BNC2: variants seen among roughly 807,000 people sequenced by gnomAD.
BNC2 encodes the protein zinc finger protein basonuclin-2.
Under a neutral mutation model 76.3 loss-of-function variants are expected in BNC2, and 20 were observed. The observed-to-expected ratio is 0.26, with a 90% confidence interval of 0.18 to 0.38. The LOEUF (loss-of-function observed/expected upper bound fraction) is 0.38, where lower values mean the gene tolerates loss of function less well. BNC2 is among the 10% of genes least tolerant of loss of function. The pLI is 1.00. For synonymous variants in BNC2, 582 were observed against 514.8 expected (o/e 1.13, Z -1.77); for missense variants, 1,382 against 1,399.8 (o/e 0.99, Z 0.20).
chr9:16,418,775 T>G lies in BNC2; in HGVS notation c.*214A>C. 1 of 580,834 alleles carries G rather than the reference T, an allele frequency of 1.7e-6. No homozygotes were observed. Among genetic ancestry groups the G allele is most frequent in the Non-Finnish European group, 3.0e-6 (1 of 331,046 alleles). 36.0% of individuals were successfully genotyped at this position (580,834 alleles called of 1,614,324 possible). On this transcript the variant is annotated 3_prime_UTR_variant, in exon 7 of 7. Transcript: ENST00000380672. ...AGATCCCACTCCTTTCCCAAAACTA[T>G]AAAGGGAAGTGAAAAAAATTCAAAA... is the stretch of plus-strand genomic sequence containing the variant.
At chr9:16,524,701 T>G (rs909587807) in intron 5 of BNC2, among the ~76,000 whole-genome samples, 6 of 152,184 alleles carry the variant, frequency 3.9e-5, no homozygotes, top group African/African-American at 1.4e-4. Flanking sequence ...TGAAAAATCT[T>G]ATTAATAATA....
intron 3 of BNC2, among the ~76,000 whole-genome samples, chr9:16,725,328 C>G (rs1391695370): frequency 1.3e-5 from 2 of 151,996 alleles, no homozygotes; most frequent in Non-Finnish European, 2.9e-5. Flanking sequence ...CATACTTTCA[C>G]TCACATAGTT....
intron 5 of BNC2, among the ~76,000 whole-genome samples, chr9:16,494,929 T>C (rs538662414): frequency 6.6e-6 from 1 of 152,302 alleles, no homozygotes; most frequent in South Asian, 2.1e-4. Context: ...TGTATACCTA[T>C]GTAACAAACT....
intron 1 of BNC2, among the ~76,000 whole-genome samples, chr9:16,809,376 C>T (rs564662868): frequency 5.5e-4 from 83 of 151,934 alleles, no homozygotes; most frequent in Admixed American, 3.5e-3. Context: ...AAAAAAAATG[C>T]CTTCGATTGC....
At chr9:16,510,893 G>C (rs945928126) in intron 5 of BNC2, among the ~76,000 whole-genome samples, 1 of 152,052 alleles carries the variant, frequency 6.6e-6, no homozygotes, top group Non-Finnish European at 1.5e-5. Flanking sequence ...TTTTACATGG[G>C]CAAAATATTA....
chr9:16,690,847 T>TG (rs1477506210), intron 3 of BNC2, among the ~76,000 whole-genome samples: 2 of 151,780 alleles, frequency 1.3e-5, no homozygotes, highest in Non-Finnish European at 2.9e-5. Context: ...GTGACGGAGG[T>TG]GGGGGGATGC....
At chr9:16,644,200 C>T (rs1453032735) in intron 3 of BNC2, among the ~76,000 whole-genome samples, 1 of 152,132 alleles carries the variant, frequency 6.6e-6, no homozygotes, top group Non-Finnish European at 1.5e-5. Flanking sequence ...TTTTCATTCT[C>T]AATTTATCAA....
rs138663853 is a variant in BNC2 at position 16,528,977 on chromosome 9, C to T, written c.669+23553G>A. ...TTGAGGTGTGAGTAGGGCTGTGTTCCACTCAGAGGCTCTGGGAAATAATCT... is the reference window on the plus strand; with the variant it reads ...TTGAGGTGTGAGTAGGGCTGTGTTCTACTCAGAGGCTCTGGGAAATAATCT... On this transcript the variant is annotated intron_variant, in intron 5 of 6. Transcript: ENST00000380672. 1.6e-3 allele frequency among the ~76,000 whole-genome samples: 243 copies of T among 152,312 alleles called. 1 individual carries two copies. The highest frequency in any genetic ancestry group is 2.1e-3 in the Non-Finnish European group (143 of 68,028).
At chr9:16,850,593 G>C (rs1369952830) in intron 1 of BNC2, among the ~76,000 whole-genome samples, 3 of 152,260 alleles carry the variant, frequency 2.0e-5, no homozygotes, top group African/African-American at 7.2e-5. Flanking sequence ...AAATAGGCTG[G>C]GGGTGGTAGC....
At chr9:16,488,658 C>T (rs760555122) in intron 5 of BNC2, among the ~76,000 whole-genome samples, 3 of 152,052 alleles carry the variant, frequency 2.0e-5, no homozygotes, top group South Asian at 2.1e-4. Context: ...ACTGTAACTT[C>T]CTATAAAAAG....
At chr9:16,575,151 A>G in intron 4 of BNC2, 1 of 438,152 alleles carries the variant, frequency 2.3e-6, no homozygotes, top group African/African-American at 2.1e-5. Flanking sequence ...CAGAACAGAG[A>G]GATTATACAA....
intron 1 of BNC2, among the ~76,000 whole-genome samples, chr9:16,747,668 C>T (rs1302279975): frequency 6.6e-6 from 1 of 152,196 alleles, no homozygotes; most frequent in Non-Finnish European, 1.5e-5. Flanking sequence ...CCAGCATTGC[C>T]TCTCCAGGTT....
intron 1 of BNC2, among the ~76,000 whole-genome samples, chr9:16,856,823 A>C (rs1327632686): frequency 1.3e-5 from 2 of 152,194 alleles, no homozygotes; most frequent in Non-Finnish European, 2.9e-5. Context: ...CCTACCTGTT[A>C]GCATTCGTGT....
chr9:16,464,643 T>C (rs1821665456), intron 5 of BNC2, among the ~76,000 whole-genome samples: 1 of 152,146 alleles, frequency 6.6e-6, no homozygotes, highest in South Asian at 2.1e-4. Flanking sequence ...TCTTTAATTT[T>C]TGTCTCGGGT....
chr9:16,831,084 A>G (rs2136020959), intron 1 of BNC2, among the ~76,000 whole-genome samples: 1 of 152,342 alleles, frequency 6.6e-6, no homozygotes, highest in South Asian at 2.1e-4. Context: ...AACCTAAAAC[A>G]ATCAGTGTCA....
intron 1 of BNC2, among the ~76,000 whole-genome samples, chr9:16,842,568 C>T (rs1160136135): frequency 1.3e-5 from 2 of 151,970 alleles, no homozygotes; most frequent in Non-Finnish European, 2.9e-5. Context: ...GTTGATGGTT[C>T]CACAGCCTTG....
chr9:16,662,472 A>G (rs1434635141), intron 3 of BNC2, among the ~76,000 whole-genome samples: 1 of 152,226 alleles, frequency 6.6e-6, no homozygotes, highest in Non-Finnish European at 1.5e-5. Flanking sequence ...GTAGTGGCTC[A>G]TGTCTGTAAT....
At chr9:16,752,064 G>A (rs1456516216) in intron 1 of BNC2, among the ~76,000 whole-genome samples, 1 of 152,060 alleles carries the variant, frequency 6.6e-6, no homozygotes, top group East Asian at 1.9e-4. Flanking sequence ...TAAAGATCCA[G>A]TTTTTTATGT....
rs542896533 is a variant in BNC2, at chr9:16,870,575, G to A, written c.3+71C>T. ...GACACGGCCCCCGGGCGGCCCCGGT[G>A]GCGCTCGGGCGCGGGGGTCATTTCT... On this transcript the variant is annotated intron_variant, in intron 1 of 6. Coordinates refer to ENST00000380672, the MANE Select transcript of BNC2 (RefSeq NM_017637.6). 5.7e-6 allele frequency: 9 copies of A among 1,577,990 alleles called. 1 individual carries two copies. The Admixed American group carries it at 1.2e-4, about 22-fold the overall frequency.
Sources: allele counts gnomAD v4.1 joint callset (sites outside exome capture counted in the v4.1 genomes callset), GRCh38; gene constraint gnomAD v4.1.1; transcripts MANE v1.5; gene names NCBI Gene and HGNC (gene_info 2026-07-23, HGNC 2026-07-21).